Variants in DOCK1 observed in about 807,000 individuals in gnomAD.
The protein encoded by DOCK1 is dedicator of cytokinesis 1.
In DOCK1, 138 loss-of-function variants were observed where a neutral mutation model predicts 262.7. That is an observed-to-expected ratio of 0.53 (90% CI 0.46 to 0.61). DOCK1 has a LOEUF of 0.61. Ranked by LOEUF, DOCK1 falls within the 20% of genes least tolerant of loss-of-function variation. The pLI is 0.00. For synonymous variants in DOCK1, 866 were observed against 867.4 expected (o/e 1.00, Z 0.03); for missense variants, 1,908 against 2,370.7 (o/e 0.80, Z 4.05).
chr10:126,987,571 C>A lies in DOCK1; in HGVS notation c.278C>A (p.Thr93Asn). The A allele has an allele frequency of 6.3e-7, 1 of 1,576,246 alleles. No homozygotes were observed. The highest frequency in any genetic ancestry group is 8.6e-7 in the Non-Finnish European group (1 of 1,160,652). Residue 93 changes from threonine to asparagine, a missense_variant, in exon 5 of 52, where the codon ACC becomes AAC. Physicochemically the swap from Thr to Asn is moderately conservative, Grantham distance 65. Around this residue, in one of 9 missense-constraint regions of DOCK1, gnomAD observed 227 missense variants for 254.1 expected, o/e 0.89. Coordinates refer to ENST00000623213, the MANE Select transcript of DOCK1 (RefSeq NM_001290223.2). ...PGDLPLIQEV[T>N]TTLREWSTIW... Reference sequence around the variant, plus strand: ...GACCTCCCCCTCATCCAGGAAGTCACCACGACACTCCGAGAGTGGTCCACC... The same window carrying A: ...GACCTCCCCCTCATCCAGGAAGTCAACACGACACTCCGAGAGTGGTCCACC...
intron 1 of DOCK1, among the ~76,000 whole-genome samples, chr10:126,948,974 C>A (rs921533424): frequency 6.6e-6 from 1 of 152,116 alleles, no homozygotes; most frequent in Admixed American, 6.5e-5. Flanking sequence ...CTTTCAGTGG[C>A]CCGGGCCCAC....
chr10:126,963,292 T>A (rs1457699402), intron 1 of DOCK1, among the ~76,000 whole-genome samples: 1 of 152,206 alleles, frequency 6.6e-6, no homozygotes, highest in African/African-American at 2.4e-5. Flanking sequence ...CGGATCAGCA[T>A]TGACATCTTA....
At chr10:127,008,429 A>G (rs760153577) in intron 10 of DOCK1, among the ~76,000 whole-genome samples, 16 of 152,154 alleles carry the variant, frequency 1.1e-4, no homozygotes, top group Non-Finnish European at 2.2e-4. Flanking sequence ...CTTGTTGTTA[A>G]TGGAACATTT....
chr10:127,265,808 T>A (rs2060332050), intron 29 of DOCK1, among the ~76,000 whole-genome samples: 2 of 152,266 alleles, frequency 1.3e-5, no homozygotes, highest in African/African-American at 4.8e-5. Flanking sequence ...TTAATTTGGC[T>A]TATAGTCAGG....
intron 29 of DOCK1, among the ~76,000 whole-genome samples, chr10:127,270,596 G>A (rs534923287): frequency 6.6e-6 from 1 of 151,486 alleles, no homozygotes; most frequent in East Asian, 2.0e-4. Context: ...TGTGTGGCGT[G>A]GTCATTATTT....
chr10:127,321,715 C>CTT (rs112588868), intron 29 of DOCK1, among the ~76,000 whole-genome samples: 1 of 140,882 alleles, frequency 7.1e-6, no homozygotes, highest in Non-Finnish European at 1.5e-5. Context: ...AGCCAAACCC[C>CTT]TCCCCCCGCC....
chr10:127,030,784 A>G (rs12251320), intron 16 of DOCK1, among the ~76,000 whole-genome samples: 9,205 of 151,698 alleles, frequency 0.061, 313 homozygotes, highest in African/African-American at 0.074. Flanking sequence ...TTCTCTATCA[A>G]TCTATCTCTA....
chr10:126,983,176 C>G (rs768069649), intron 4 of DOCK1, among the ~76,000 whole-genome samples: 3 of 152,120 alleles, frequency 2.0e-5, no homozygotes, highest in Non-Finnish European at 4.4e-5. Flanking sequence ...AAACAATTTC[C>G]CTGCCTTTGC....
chr10:127,252,047 G>A (rs990578727), intron 28 of DOCK1, among the ~76,000 whole-genome samples: 1 of 151,328 alleles, frequency 6.6e-6, no homozygotes, highest in Admixed American at 6.6e-5. Context: ...TCCAACACCT[G>A]TTGTTTCCTG....
chr10:127,386,430 A>C (rs2066123555), intron 38 of DOCK1, among the ~76,000 whole-genome samples: 1 of 152,004 alleles, frequency 6.6e-6, no homozygotes. Context: ...ATCTGTGTTT[A>C]CAGCCGTTCC....
At chr10:127,343,111 G>A (rs1016435084) in intron 30 of DOCK1, among the ~76,000 whole-genome samples, 4 of 152,098 alleles carry the variant, frequency 2.6e-5, no homozygotes, top group African/African-American at 9.7e-5. Flanking sequence ...CAGGCATGGT[G>A]GTGCACACCT....
intron 29 of DOCK1, among the ~76,000 whole-genome samples, chr10:127,328,769 G>A (rs753382522): frequency 1.7e-4 from 26 of 152,104 alleles, no homozygotes; most frequent in Non-Finnish European, 3.5e-4. Context: ...GGAAGTGAAG[G>A]TTAGAGATTC....
intron 13 of DOCK1, among the ~76,000 whole-genome samples, chr10:127,019,800 T>C (rs2042284662): frequency 6.6e-6 from 1 of 152,072 alleles, no homozygotes; most frequent in Admixed American, 6.6e-5. Context: ...CACAAATTGG[T>C]GTTGAGTGAA....
At chr10:127,189,784 C>T (rs773406709) in intron 27 of DOCK1, among the ~76,000 whole-genome samples, 4 of 152,054 alleles carry the variant, frequency 2.6e-5, no homozygotes, top group African/African-American at 4.8e-5. Flanking sequence ...CTCAAGTGCA[C>T]GGTTAAGTGG....
intron 25 of DOCK1, among the ~76,000 whole-genome samples, chr10:127,125,251 G>T (rs1260833515): frequency 6.6e-6 from 1 of 152,176 alleles, no homozygotes; most frequent in Non-Finnish European, 1.5e-5. Flanking sequence ...GTTTACCTGG[G>T]ATACACACAT....
At position 127,032,330 on chromosome 10, in the gene DOCK1, A is replaced by G; in HGVS notation, c.1912+10A>G. On this transcript the variant is annotated intron_variant, in intron 18 of 51. Transcript: ENST00000623213. ...AAACTGACTCAGAACGGTGCGTTCG[A>G]GAGGAGAAACACACTCACCCCAGGA... 6.6e-7 allele frequency: 1 copy of G among 1,508,004 alleles called. No homozygotes were observed. The highest frequency in any genetic ancestry group is 8.8e-7 in the Non-Finnish European group (1 of 1,132,778). The allele number at this position is 1,508,004 out of a possible 1,614,324, so 93.4% of individuals were successfully genotyped here.
In DOCK1 at chr10:127,271,110, C is replaced by A. The variant is rs544696516; in HGVS notation, c.3044+13681C>A. 3.9e-5 allele frequency among the ~76,000 whole-genome samples: 6 copies of A among 151,962 alleles called. No individual in the cohort carries two copies. In the South Asian group the frequency reaches 1.2e-3, roughly 32 times the overall value. On this transcript the variant is annotated intron_variant, in intron 29 of 51. Coordinates refer to ENST00000623213, the MANE Select transcript of DOCK1 (RefSeq NM_001290223.2). ...TCTGTGCTGTAGATATCTTTCTCCA[C>A]TCAGTGACTGCAGGATTTTTTTTTT...
chr10:127,393,546 C>A (rs1283873739), intron 38 of DOCK1, among the ~76,000 whole-genome samples: 1 of 152,086 alleles, frequency 6.6e-6, no homozygotes, highest in Non-Finnish European at 1.5e-5. Context: ...TCCCAGGCCC[C>A]CTGCGATGGC....
chr10:127,356,160 G>T (rs1451484900), intron 32 of DOCK1, among the ~76,000 whole-genome samples: 1 of 152,220 alleles, frequency 6.6e-6, no homozygotes, highest in African/African-American at 2.4e-5. Context: ...CAAAGGGCCT[G>T]CTGATCTCTG....
Sources: gnomAD v4.1 joint callset for allele counts (sites outside exome capture counted in the v4.1 genomes callset) on GRCh38, gnomAD v4.1.1 for gene constraint, gnomAD v4.1.1 regional missense constraint, MANE v1.5 for transcripts, NCBI Gene and HGNC (gene_info 2026-07-23, HGNC 2026-07-21) for gene names.